NUP210: variants seen among roughly 807,000 people sequenced by gnomAD.
The protein encoded by NUP210 is nuclear pore membrane glycoprotein 210.
NUP210 carries 151 observed loss-of-function variants against 196.0 expected under a neutral mutation model. The observed-to-expected ratio is 0.77, with a 90% confidence interval of 0.67 to 0.88. The LOEUF (loss-of-function observed/expected upper bound fraction) is 0.88. Among genes scored for constraint, NUP210 ranks in the 40% least tolerant of loss-of-function variants. NUP210 has a pLI of 0.00. For missense variants in NUP210, 2,314 were observed against 2,493.7 expected, an observed-to-expected ratio of 0.93 and a Z score of 1.53; for synonymous variants, 1,070 against 1,052.7, an observed-to-expected ratio of 1.02 and a Z score of -0.32.
intron 14 of NUP210, among the ~76,000 whole-genome samples, chr3:13,363,582 C>T (rs1026261726): frequency 6.6e-6 from 1 of 152,222 alleles, no homozygotes; most frequent in African/African-American, 2.4e-5. Flanking sequence ...TGTGCAGGCT[C>T]CTCAGCGGAT....
chr3:13,365,969 T>C lies in NUP210; in HGVS notation c.1909A>G (p.Ile637Val), dbSNP rs375059283. Residue 637 changes from isoleucine (I) to valine (V), a missense_variant, in exon 14 of 40, where the codon ATT becomes GTT. Transcript: ENST00000254508. ...GHVHLSAKITIAAYLPLKAVD... is the reference protein window; with the variant it reads ...GHVHLSAKITVAAYLPLKAVD... ...ACCTTGAGGGGCAGGTAGGCAGCAA[T>C]GGTGATCTTGGCACTCAGGTGGACG... 33 of 1,613,932 alleles carry C rather than the reference T, an allele frequency of 2.0e-5. No individual in the cohort carries two copies. The African/African-American group carries it at 3.7e-4, about 18-fold the overall frequency.
intron 20 of NUP210, among the ~76,000 whole-genome samples, chr3:13,343,762 G>T (rs1697615509): frequency 6.6e-6 from 1 of 152,198 alleles, no homozygotes; most frequent in South Asian, 2.1e-4. Flanking sequence ...ACCCCATGGG[G>T]TCTTCTGTGA....
At position 13,335,549 on chromosome 3, in the gene NUP210, G is replaced by A. The variant is rs764179743; in HGVS notation, c.3748C>T (p.Arg1250Trp). ...TTGACCACCACCCTCAGCCCGGTCC[G>A]GCCTTTTACCCGGCCGAGCACGTTC... ...AMNVLGRVKG[R>W]TGLRVVVKAV... The change falls in exon 28 of 40, where the codon CGG becomes TGG. Residue 1250 changes from arginine (R) to tryptophan (W), a missense_variant. Physicochemically the swap from Arg to Trp is moderately radical, Grantham distance 101 (BLOSUM62 -3). Coordinates refer to ENST00000254508, the MANE Select transcript of NUP210 (RefSeq NM_024923.4). The A allele has an allele frequency of 7.4e-6, 12 of 1,613,984 alleles. No individual in the cohort carries two copies. The highest frequency in any genetic ancestry group is 1.0e-5 in the Non-Finnish European group (12 of 1,180,046).
At chr3:13,349,297 C>A (rs1293166560) in intron 20 of NUP210, among the ~76,000 whole-genome samples, 4 of 152,292 alleles carry the variant, frequency 2.6e-5, no homozygotes, top group Admixed American at 6.5e-5. Context: ...TCAGGTGATT[C>A]GTTTCCTAGG....
Position 13,365,943 on chromosome 3 carries a change from C to T in NUP210, c.1932+3G>A. On this transcript the variant is annotated splice_donor_region_variant and intron_variant, in intron 14 of 39. Transcript: ENST00000254508. ...GTGGTAAAGGGCAGGGCCCCTGGCTCACCTTGAGGGGCAGGTAGGCAGCAA... is the reference window on the plus strand; with the variant it reads ...GTGGTAAAGGGCAGGGCCCCTGGCTTACCTTGAGGGGCAGGTAGGCAGCAA... 2.5e-6 allele frequency: 4 copies of T among 1,613,996 alleles called. No individual in the cohort carries two copies. Among genetic ancestry groups the T allele is most frequent in the South Asian group, 2.2e-5 (2 of 91,080 alleles).
At chr3:13,336,641 G>C in intron 27 of NUP210, 146 bp downstream of exon 27, 1 of 821,322 alleles carries the variant, frequency 1.2e-6, no homozygotes, top group Middle Eastern at 3.5e-4. Context: ...GATGAGCCTC[G>C]GGAGAGGGAA....
intron 33 of NUP210, among the ~76,000 whole-genome samples, chr3:13,324,188 T>C (rs1576341952): frequency 6.7e-6 from 1 of 148,734 alleles, no homozygotes; most frequent in Non-Finnish European, 1.5e-5. Context: ...ACAGAGGCTG[T>C]GTCCCACTCT....
At chr3:13,369,291 C>A (rs898972320) in intron 13 of NUP210, among the ~76,000 whole-genome samples, 6 of 152,200 alleles carry the variant, frequency 3.9e-5, no homozygotes, top group African/African-American at 1.4e-4. Context: ...GTTATTGCTG[C>A]TGACACGTAG....
At position 13,347,005 on chromosome 3, in the gene NUP210, A is replaced by G. The variant is rs1012828782; in HGVS notation, c.2836-3702T>C. On this transcript the variant is annotated intron_variant, in intron 20 of 39. Coordinates refer to ENST00000254508, the MANE Select transcript of NUP210 (RefSeq NM_024923.4). The surrounding 1 kb of genome is among the most constrained non-coding windows in gnomAD (Gnocchi z 4.7). ...GGACGTGCACCACTGTCCACAGATC[A>G]GTCTCAGGGAAAAGGTGGATGCACC... The G allele has an allele frequency of 1.0e-6, 1 of 985,226 alleles. No homozygotes were observed. Among genetic ancestry groups the G allele is most frequent in the Non-Finnish European group, 1.2e-6 (1 of 829,844 alleles). 61.0% of individuals were successfully genotyped at this position (985,226 alleles called of 1,614,324 possible).
chr3:13,405,863 C>G (rs1247940917), intron 1 of NUP210, among the ~76,000 whole-genome samples: 1 of 152,204 alleles, frequency 6.6e-6, no homozygotes, highest in Admixed American at 6.5e-5. Flanking sequence ...ATTCCAGGAG[C>G]ATTTTCCTCA....
At chr3:13,362,067 A>G (rs1457336756) in intron 14 of NUP210, among the ~76,000 whole-genome samples, 5 of 152,136 alleles carry the variant, frequency 3.3e-5, no homozygotes, top group Non-Finnish European at 7.3e-5. Context: ...ACCCTGAAGG[A>G]GCTTCATGGC....
At chr3:13,395,129 C>T (rs530406776) in intron 3 of NUP210, among the ~76,000 whole-genome samples, 1 of 152,282 alleles carries the variant, frequency 6.6e-6, no homozygotes, top group African/African-American at 2.4e-5. Flanking sequence ...TGAGAGGAAA[C>T]CATCCAGGGC....
At position 13,336,843 on chromosome 3, in the gene NUP210, A is replaced by C. The variant is rs1479683328; in HGVS notation, c.3628T>G (p.Phe1210Val). Residue 1210 changes from phenylalanine to valine, a missense_variant, in exon 27 of 40, where the codon TTC becomes GTC. Phe to Val is a conservative substitution (Grantham distance 50). Transcript: ENST00000254508. The stretch of plus-strand genomic sequence containing the variant: ...TCCCGCTTGGTGACAGACCAGTGGA[A>C]GGTCAGGCCTGGCACGGCATTGCCA... ...SFGNAVPGLT[F>V]HWSVTKRDVL... 6.2e-7 allele frequency: 1 copy of C among 1,613,852 alleles called. No individual in the cohort carries two copies. The highest frequency in any genetic ancestry group is 1.7e-5 in the Admixed American group (1 of 60,008).
chr3:13,326,626 C>T (rs184687630), intron 32 of NUP210, among the ~76,000 whole-genome samples: 45 of 152,206 alleles, frequency 3.0e-4, no homozygotes, highest in African/African-American at 8.9e-4. Context: ...GTCACCTGGG[C>T]ATGGCTGAAA....
Position 13,380,599 on chromosome 3 carries a change from C to A in NUP210, c.818-878G>T, listed in dbSNP as rs192868085. The stretch of plus-strand genomic sequence containing the variant: ...CTCCTAAGCCCGCGGAGCTTCCTAA[C>A]CAGTCACCCATTCACTGTCCCCACA... On this transcript the variant is annotated intron_variant, in intron 6 of 39. Coordinates refer to ENST00000254508, the MANE Select transcript of NUP210 (RefSeq NM_024923.4). Among the ~76,000 whole-genome samples, 23 of 152,310 alleles carry A rather than the reference C, an allele frequency of 1.5e-4. No individual in the cohort carries two copies. The East Asian group carries it at 4.3e-3, about 28-fold the overall frequency.
intron 5 of NUP210, among the ~76,000 whole-genome samples, chr3:13,388,071 T>C (rs567048075): frequency 6.6e-6 from 1 of 152,284 alleles, no homozygotes. Context: ...GAGCAAATGC[T>C]ATGCACCCCT....
chr3:13,334,469 TG>T (rs1218801239), intron 28 of NUP210, among the ~76,000 whole-genome samples: 5 of 151,820 alleles, frequency 3.3e-5, no homozygotes, highest in Admixed American at 6.6e-5. Context: ...GGCAGATCGG[TG>T]GGGGTTTTTT....
intron 1 of NUP210, among the ~76,000 whole-genome samples, chr3:13,407,315 T>C (rs1380564727): frequency 6.6e-6 from 1 of 152,176 alleles, no homozygotes; most frequent in African/African-American, 2.4e-5. Context: ...TGCAGGAGGA[T>C]GGCTTGAGCC....
Position 13,420,265 on chromosome 3 carries a change from C to T in NUP210, c.-39G>A. The T allele has an allele frequency of 7.6e-6, 8 of 1,046,426 alleles. No individual in the cohort carries two copies. Among genetic ancestry groups the T allele is most frequent in the Non-Finnish European group, 8.0e-6 (7 of 870,722 alleles). The allele number at this position is 1,046,426 out of a possible 1,614,324, so 64.8% of individuals were successfully genotyped here. A position where few individuals can be genotyped will look rare whatever the true frequency, so the allele number is the denominator to read the frequency against. On this transcript the variant is annotated 5_prime_UTR_variant, in exon 1 of 40. Transcript: ENST00000254508. This position sits in a 1 kb window ranked among gnomAD's most constrained non-coding sequence, Gnocchi z 4.8. ...CACCTCCCGCGACCCTGCGCCCGGC[C>T]GCCCGCGCCGCCCCGTTGCCCTCCG...
Sources: allele counts gnomAD v4.1 joint callset (sites outside exome capture counted in the v4.1 genomes callset), GRCh38; gene constraint gnomAD v4.1.1; non-coding constraint Gnocchi (gnomAD v3.1); transcripts MANE v1.5; gene names NCBI Gene and HGNC (gene_info 2026-07-23, HGNC 2026-07-21).